Variants in EBF2 observed in about 807,000 individuals in gnomAD.
EBF2 encodes the protein EBF transcription factor 2.
Under a neutral mutation model 72.8 loss-of-function variants are expected in EBF2, and 21 were observed. The observed-to-expected ratio is 0.29, with a 90% confidence interval of 0.20 to 0.42. EBF2 has a LOEUF of 0.42. Among genes scored for constraint, EBF2 ranks in the 10% least tolerant of loss-of-function variants. The pLI is 1.00. For missense variants in EBF2, 637 were observed against 731.2 expected (o/e 0.87, Z 1.49); for synonymous variants, 299 against 274.2 (o/e 1.09, Z -0.89).
At chr8:25,934,000 C>G (rs1803530851) in intron 6 of EBF2, among the ~76,000 whole-genome samples, 1 of 152,086 alleles carries the variant, frequency 6.6e-6, no homozygotes, top group African/African-American at 2.4e-5. Context: ...AAGATAAAAT[C>G]TCTCTAGAGG....
At chr8:25,901,857 A>G (rs1802958757) in intron 7 of EBF2, among the ~76,000 whole-genome samples, 1 of 152,212 alleles carries the variant, frequency 6.6e-6, no homozygotes, top group South Asian at 2.1e-4. Context: ...CCTGAATGTC[A>G]CAGAGAAGCA....
At chr8:25,956,418 A>ATT (rs1365345889) in intron 6 of EBF2, among the ~76,000 whole-genome samples, 4 of 152,012 alleles carry the variant, frequency 2.6e-5, no homozygotes, top group Non-Finnish European at 4.4e-5. Flanking sequence ...AAAAAAAAAA[A>ATT]ATTATTATTA....
chr8:26,044,968 AG>A lies in EBF2; in HGVS notation c.-110del, dbSNP rs1274125485. 8.0e-7 allele frequency: 1 copy of A among 1,254,636 alleles called. No homozygotes were observed. Among genetic ancestry groups the A allele is most frequent in the Admixed American group, 2.4e-5 (1 of 42,348 alleles). 77.7% of individuals were successfully genotyped at this position (1,254,636 alleles called of 1,614,324 possible). On this transcript the variant is annotated 5_prime_UTR_variant, in exon 1 of 16. Transcript: ENST00000520164. The surrounding 1 kb of genome is among the most constrained non-coding windows in gnomAD (Gnocchi z 4.1). ...GTCTCCTCCAAAGCAATCCAAGAAA[AG>A]GGATCAAGTGCCCAAGTTTGAGTCT...
chr8:25,967,604 T>A (rs1424012808), intron 6 of EBF2, among the ~76,000 whole-genome samples: 1 of 152,212 alleles, frequency 6.6e-6, no homozygotes, highest in Non-Finnish European at 1.5e-5. Context: ...CTTGTATAGT[T>A]TCTATTGAAT....
rs762592366 is a variant in EBF2, at chr8:26,040,108, A to G, written c.409-7T>C. 3.1e-6 allele frequency: 5 copies of G among 1,612,944 alleles called. No individual in the cohort carries two copies. The East Asian group carries it at 6.7e-5, about 22-fold the overall frequency. On this transcript the variant is annotated splice_polypyrimidine_tract_variant and splice_region_variant and intron_variant, in intron 4 of 15. Coordinates refer to ENST00000520164, the MANE Select transcript of EBF2 (RefSeq NM_022659.4). ...GTCCCTCGTAAGCGATGGGCTGTGA[A>G]GGAGGTAGTGGCAGGAAAGGAAGAT...
chr8:25,954,219 G>T (rs1803907685), intron 6 of EBF2, among the ~76,000 whole-genome samples: 1 of 152,228 alleles, frequency 6.6e-6, no homozygotes, highest in Non-Finnish European at 1.5e-5. Context: ...TTCAGGCGGA[G>T]TAAGAGTGAT....
chr8:25,848,287 G>A lies in EBF2; in HGVS notation c.1696+2307C>T, dbSNP rs1249436928. Among the ~76,000 whole-genome samples, 6 of 152,202 alleles carry A rather than the reference G, an allele frequency of 3.9e-5. No homozygotes were observed. In the East Asian group the frequency reaches 1.2e-3, roughly 29 times the overall value. ...TAGAGCCTAGAGCCTGTGCCTACAT[G>A]CAACTCACCAAGTCATTGCTCCTAT... On this transcript the variant is annotated intron_variant, in intron 15 of 15. Coordinates refer to ENST00000520164, the MANE Select transcript of EBF2 (RefSeq NM_022659.4).
At chr8:25,893,942 C>G (rs1257152576) in intron 7 of EBF2, among the ~76,000 whole-genome samples, 2 of 152,178 alleles carry the variant, frequency 1.3e-5, no homozygotes, top group African/African-American at 4.8e-5. Context: ...GGGAATTAAC[C>G]TGAATTATGT....
intron 6 of EBF2, among the ~76,000 whole-genome samples, chr8:26,012,203 G>A (rs572329432): frequency 6.6e-6 from 1 of 152,210 alleles, no homozygotes; most frequent in East Asian, 1.9e-4. Context: ...GGTGGGTTGG[G>A]GGAGAAAAAG....
chr8:25,916,879 GCTC>G (rs752721756), intron 6 of EBF2, among the ~76,000 whole-genome samples: 1 of 152,116 alleles, frequency 6.6e-6, no homozygotes. Flanking sequence ...TTTGGCAAGA[GCTC>G]CTTCATCACT....
At chr8:25,941,473 T>C (rs184484472) in intron 6 of EBF2, among the ~76,000 whole-genome samples, 5 of 152,306 alleles carry the variant, frequency 3.3e-5, no homozygotes, top group Admixed American at 1.3e-4. Context: ...CCCAAAGCGC[T>C]GCGATTACAG....
At chr8:26,009,661 A>G (rs1468566075) in intron 6 of EBF2, among the ~76,000 whole-genome samples, 1 of 152,210 alleles carries the variant, frequency 6.6e-6, no homozygotes, top group Admixed American at 6.5e-5. Flanking sequence ...TCCGTGTGGT[A>G]TCTACTACAT....
chr8:25,972,936 A>G (rs1453111673), intron 6 of EBF2, among the ~76,000 whole-genome samples: 2 of 148,124 alleles, frequency 1.4e-5, no homozygotes, highest in Non-Finnish European at 3.0e-5. Context: ...TTACATTTCA[A>G]AATAAGTCCC....
At chr8:26,042,331 C>T in intron 1 of EBF2, 80 bp from the exon 2 acceptor site, 1 of 1,507,156 alleles carries the variant, frequency 6.6e-7, no homozygotes, top group Non-Finnish European at 8.9e-7. Context: ...CACAACACTG[C>T]AGAGGGGTAA....
At chr8:26,013,150 G>C (rs922552983) in intron 6 of EBF2, among the ~76,000 whole-genome samples, 2 of 152,190 alleles carry the variant, frequency 1.3e-5, no homozygotes, top group Non-Finnish European at 2.9e-5. Context: ...TCCAAAGGAC[G>C]TCTGACCCCA....
intron 6 of EBF2, among the ~76,000 whole-genome samples, chr8:25,942,060 A>T (rs767459182): frequency 6.6e-6 from 1 of 152,212 alleles, no homozygotes; most frequent in African/African-American, 2.4e-5. Flanking sequence ...TCCAGTGAGC[A>T]TGAACACTGG....
rs140858902 is a variant in EBF2 at position 26,012,748 on chromosome 8, C to G, written c.551+20337G>C. On this transcript the variant is annotated intron_variant, in intron 6 of 15. Coordinates refer to ENST00000520164, the MANE Select transcript of EBF2 (RefSeq NM_022659.4). Reference sequence around the variant, plus strand: ...AGGTGATCCTAGCAAGGCACACAGACGAAGAAAATGCTGTCCCTGTCTCCT... The same window carrying G: ...AGGTGATCCTAGCAAGGCACACAGAGGAAGAAAATGCTGTCCCTGTCTCCT... Among the ~76,000 whole-genome samples, 894 of 152,276 alleles carry G rather than the reference C, an allele frequency of 5.9e-3. 7 individuals are homozygous for G. The highest frequency in any genetic ancestry group is 7.0e-3 in the Non-Finnish European group (476 of 68,016).
chr8:25,899,711 G>A (rs750915202), intron 7 of EBF2, among the ~76,000 whole-genome samples: 12 of 152,144 alleles, frequency 7.9e-5, no homozygotes, highest in South Asian at 2.1e-4. Context: ...CTCTCACGTC[G>A]TTTAGTAAAC....
chr8:26,023,082 C>T (rs1048848462), intron 6 of EBF2, among the ~76,000 whole-genome samples: 5 of 152,100 alleles, frequency 3.3e-5, no homozygotes, highest in African/African-American at 1.2e-4. Context: ...ATTTCCCAAC[C>T]ATTTGGCATG....
Sources: allele counts gnomAD v4.1 joint callset (sites outside exome capture counted in the v4.1 genomes callset), GRCh38; gene constraint gnomAD v4.1.1; non-coding constraint Gnocchi (gnomAD v3.1); transcripts MANE v1.5; gene names NCBI Gene and HGNC (gene_info 2026-07-23, HGNC 2026-07-21).